ADGRL3: variants seen among roughly 807,000 people sequenced by gnomAD.
The protein encoded by ADGRL3 is adhesion G protein-coupled receptor L3.
A neutral mutation model predicts 153.5 loss-of-function variants in ADGRL3; 62 were observed. The observed-to-expected ratio is 0.40, with a 90% CI of 0.33 to 0.50. The LOEUF (loss-of-function observed/expected upper bound fraction) is 0.50. Among genes scored for constraint, ADGRL3 ranks in the 20% least tolerant of loss-of-function variants. The probability of loss-of-function intolerance (pLI) is 0.47; values close to 1 mark genes in which losing one functional copy is unlikely to be tolerated. For missense variants in ADGRL3, 1,641 were observed against 1,859.4 expected, an observed-to-expected ratio of 0.88 and a Z score of 2.16; for synonymous variants, 710 against 672.5, an observed-to-expected ratio of 1.06 and a Z score of -0.86.
chr4:61,252,954 T>C (rs2091595655), intron 1 of ADGRL3, among the ~76,000 whole-genome samples: 1 of 152,170 alleles, frequency 6.6e-6, no homozygotes, highest in African/African-American at 2.4e-5. Context: ...TTTTCTCCTC[T>C]GAGTGAGGTG....
chr4:61,444,930 G>A lies in ADGRL3; in HGVS notation c.-173-52191G>A, dbSNP rs572156622. Among the ~76,000 whole-genome samples the A allele has an allele frequency of 2.6e-5, 4 of 152,146 alleles. 1 individual carries two copies. The highest frequency in any genetic ancestry group is 9.6e-5 in the African/African-American group (4 of 41,524). Reference sequence around the variant, plus strand: ...TACCTAGGTGTAGTGGTGTACGCCTGTAGTCCCAGCTACTCGGAGACTGGG... The same window carrying A: ...TACCTAGGTGTAGTGGTGTACGCCTATAGTCCCAGCTACTCGGAGACTGGG... On this transcript the variant is annotated intron_variant, in intron 2 of 26. Transcript: ENST00000683033.
At chr4:61,773,538 T>C (rs2097110076) in intron 8 of ADGRL3, among the ~76,000 whole-genome samples, 2 of 152,202 alleles carry the variant, frequency 1.3e-5, no homozygotes, top group Non-Finnish European at 2.9e-5. Context: ...TATTCTGAAA[T>C]TTTAATGGAG....
intron 8 of ADGRL3, among the ~76,000 whole-genome samples, chr4:61,779,040 A>G (rs1293550001): frequency 6.6e-6 from 1 of 151,314 alleles, no homozygotes; most frequent in Non-Finnish European, 1.5e-5. Flanking sequence ...CCTGGGTGAC[A>G]GAGGGAGACT....
At chr4:61,520,433 A>G (rs989522513) in intron 4 of ADGRL3, among the ~76,000 whole-genome samples, 2 of 152,190 alleles carry the variant, frequency 1.3e-5, no homozygotes, top group Admixed American at 1.3e-4. Context: ...AAACAGCTAA[A>G]GCATTTCAGT....
At chr4:61,373,064 G>T (rs183462985) in intron 1 of ADGRL3, among the ~76,000 whole-genome samples, 200 of 152,298 alleles carry the variant, frequency 1.3e-3, no homozygotes, top group African/African-American at 4.5e-3. Flanking sequence ...CCCGAGTGAG[G>T]CAATGCCTCG....
chr4:61,891,354 A>T (rs952836328), intron 9 of ADGRL3, among the ~76,000 whole-genome samples: 2 of 152,186 alleles, frequency 1.3e-5, no homozygotes, highest in Non-Finnish European at 2.9e-5. Context: ...AATTCTGAAC[A>T]TTACCATTCA....
intron 1 of ADGRL3, among the ~76,000 whole-genome samples, chr4:61,373,089 G>C (rs138810989): frequency 1.3e-5 from 2 of 152,024 alleles, no homozygotes; most frequent in African/African-American, 4.8e-5. Flanking sequence ...GCTTCGGCTC[G>C]TGCAGGGTGC....
chr4:61,709,016 G>T (rs949486959), intron 6 of ADGRL3, among the ~76,000 whole-genome samples: 1 of 151,966 alleles, frequency 6.6e-6, no homozygotes, highest in Non-Finnish European at 1.5e-5. Context: ...CACCATGTTG[G>T]CCAGGCTGGT....
intron 22 of ADGRL3, 63 bp downstream of exon 22, chr4:62,028,944 C>T: frequency 7.2e-7 from 1 of 1,396,488 alleles, no homozygotes; most frequent in Non-Finnish European, 1.0e-6. Context: ...AACCAGCTGT[C>T]AGATCAGTAC....
chr4:61,987,924 TTAATA>T (rs2099091397), intron 19 of ADGRL3, among the ~76,000 whole-genome samples: 1 of 152,100 alleles, frequency 6.6e-6, no homozygotes, highest in Non-Finnish European at 1.5e-5. Context: ...TCTGAAATCT[TTAATA>T]TAATAATAAT....
At chr4:61,895,132 A>G (rs923139371) in intron 10 of ADGRL3, among the ~76,000 whole-genome samples, 3 of 152,108 alleles carry the variant, frequency 2.0e-5, no homozygotes, top group South Asian at 2.1e-4. Flanking sequence ...ACTAACCTCC[A>G]TGGAGGCACA....
intron 8 of ADGRL3, among the ~76,000 whole-genome samples, chr4:61,739,883 T>A (rs2096563052): frequency 6.6e-6 from 1 of 152,222 alleles, no homozygotes; most frequent in Non-Finnish European, 1.5e-5. Flanking sequence ...TGGAAGAAAG[T>A]GGGCAACTGT....
chr4:61,390,216 ACTCT>A (rs1560561594), intron 2 of ADGRL3, among the ~76,000 whole-genome samples: 1 of 152,150 alleles, frequency 6.6e-6, no homozygotes, highest in African/African-American at 2.4e-5. Flanking sequence ...TTTTCTGTTA[ACTCT>A]CTATTTTTTC....
At chr4:61,791,666 A>G (rs562449570) in intron 8 of ADGRL3, among the ~76,000 whole-genome samples, 2 of 152,336 alleles carry the variant, frequency 1.3e-5, no homozygotes, top group South Asian at 4.1e-4. Context: ...GCACTGCCCT[A>G]GCAGAGGTTT....
chr4:61,681,761 C>G (rs565314420), intron 6 of ADGRL3, among the ~76,000 whole-genome samples: 1 of 151,996 alleles, frequency 6.6e-6, no homozygotes, highest in East Asian at 1.9e-4. Context: ...CAACTAATGT[C>G]CAAATGAGTG....
intron 19 of ADGRL3, among the ~76,000 whole-genome samples, chr4:61,988,414 A>G (rs1166778816): frequency 6.6e-6 from 1 of 152,044 alleles, no homozygotes; most frequent in African/African-American, 2.4e-5. Flanking sequence ...TCTCTTTCTT[A>G]TATCTTTTTA....
intron 3 of ADGRL3, among the ~76,000 whole-genome samples, chr4:61,508,592 T>A (rs2098444920): frequency 6.6e-6 from 1 of 152,162 alleles, no homozygotes; most frequent in South Asian, 2.1e-4. Context: ...TTTTTATAAT[T>A]TCAACAGTTA....
chr4:61,913,140 A>G (rs916712452), intron 13 of ADGRL3, among the ~76,000 whole-genome samples: 3 of 152,178 alleles, frequency 2.0e-5, no homozygotes, highest in African/African-American at 7.2e-5. Flanking sequence ...TTATAAGACA[A>G]CAAGTAATCC....
chr4:62,062,227 C>T (rs1740612569), intron 25 of ADGRL3, among the ~76,000 whole-genome samples: 1 of 151,848 alleles, frequency 6.6e-6, no homozygotes, highest in South Asian at 2.1e-4. Context: ...AGATTATTTG[C>T]CACTTGTATA....
Sources: allele counts gnomAD v4.1 joint callset (sites outside exome capture counted in the v4.1 genomes callset), GRCh38; gene constraint gnomAD v4.1.1; transcripts MANE v1.5; gene names NCBI Gene and HGNC (gene_info 2026-07-23, HGNC 2026-07-21).